TRIP12: variants seen among roughly 807,000 people sequenced by gnomAD.
TRIP12 encodes the protein thyroid hormone receptor interactor 12, also known as E3 ubiquitin-protein ligase TRIP12.
A neutral mutation model predicts 244.2 loss-of-function variants in TRIP12; 25 were observed. That is an observed-to-expected ratio of 0.10 (90% CI 0.07 to 0.14). The LOEUF (loss-of-function observed/expected upper bound fraction) is 0.14. TRIP12 is among the 10% of genes least tolerant of loss of function. The pLI, the probability that TRIP12 is intolerant of heterozygous loss-of-function variation, is 1.00. For missense variants in TRIP12, 1,677 were observed against 2,486.4 expected (o/e 0.67, Z 6.92); for synonymous variants, 905 against 873.1 (o/e 1.04, Z -0.64).
chr2:229,855,951 T>C (rs1032041911), intron 4 of TRIP12, among the ~76,000 whole-genome samples: 11 of 151,676 alleles, frequency 7.3e-5, no homozygotes, highest in Non-Finnish European at 1.3e-4. Flanking sequence ...GGCACGAGAA[T>C]TGCCCGAACC....
upstream of TRIP12, chr2:229,922,660 G>C: frequency 6.3e-7 from 1 of 1,588,674 alleles, no homozygotes; most frequent in Non-Finnish European, 8.6e-7. Flanking sequence ...ACCTGGCCCG[G>C]TTGGGGCCCG....
intron 1 of TRIP12, among the ~76,000 whole-genome samples, chr2:229,908,367 T>C (rs1193698406): frequency 6.6e-6 from 1 of 152,184 alleles, no homozygotes; most frequent in Non-Finnish European, 1.5e-5. Flanking sequence ...CTGAGAAATA[T>C]CTTGGTAGTA....
chr2:229,823,344 T>A (rs371795567), intron 8 of TRIP12, among the ~76,000 whole-genome samples: 12 of 152,182 alleles, frequency 7.9e-5, no homozygotes, highest in African/African-American at 2.9e-4. Flanking sequence ...CCATGCTGGA[T>A]TGCAGTAGCC....
chr2:229,904,541 T>C (rs2072113672), intron 1 of TRIP12, among the ~76,000 whole-genome samples: 1 of 151,884 alleles, frequency 6.6e-6, no homozygotes, highest in African/African-American at 2.4e-5. Context: ...GCTCATCATA[T>C]AATAGCATAA....
chr2:229,837,652 T>C (rs1328116821), intron 5 of TRIP12, among the ~76,000 whole-genome samples: 2 of 151,854 alleles, frequency 1.3e-5, no homozygotes, highest in African/African-American at 4.8e-5. Context: ...GAACTGCAGA[T>C]TAACATTGAG....
chr2:229,896,758 C>CA (rs2068951448), intron 1 of TRIP12, among the ~76,000 whole-genome samples: 3 of 151,956 alleles, frequency 2.0e-5, no homozygotes, highest in African/African-American at 7.3e-5. Context: ...AACAAGAATA[C>CA]AGAATGAAAG....
chr2:229,809,067 C>T (rs1318989452), intron 15 of TRIP12, among the ~76,000 whole-genome samples: 3 of 152,068 alleles, frequency 2.0e-5, no homozygotes. Context: ...TGTGTGTGTT[C>T]CTGTAAATAT....
chr2:229,921,827 T>A (rs1317911359), intron 1 of TRIP12, 53 bp downstream of exon 1: 2 of 20,352 alleles, frequency 9.8e-5, no homozygotes, highest in Non-Finnish European at 2.0e-4. Context: ...ACCCCTCAGC[T>A]GGCCCCCTCC....
Position 229,765,787 on chromosome 2 carries a change from T to C in TRIP12, c.*1767A>G, listed in dbSNP as rs2031525356. 6.6e-6 allele frequency: 1 copy of C among 152,306 alleles called. No homozygotes were observed. Among genetic ancestry groups the C allele is most frequent in the Admixed American group, 6.5e-5 (1 of 15,298 alleles). 9.4% of individuals were successfully genotyped at this position (152,306 alleles called of 1,614,324 possible). A position where few individuals can be genotyped will look rare whatever the true frequency, so the allele number is the denominator to read the frequency against. On this transcript the variant is annotated 3_prime_UTR_variant, in exon 42 of 42. Transcript: ENST00000675903. ...AGCTGCTCAGCAACTGTGCTGTTAG[T>C]GGTGAAAACTGCAGAAACACAATTC...
intron 1 of TRIP12, among the ~76,000 whole-genome samples, chr2:229,902,328 C>A (rs928590272): frequency 1.3e-5 from 2 of 151,970 alleles, no homozygotes; most frequent in Non-Finnish European, 2.9e-5. Flanking sequence ...AGCAGTGAGC[C>A]GAGATCGCGC....
chr2:229,777,041 A>G (rs1332259905), intron 37 of TRIP12, among the ~76,000 whole-genome samples: 1 of 152,198 alleles, frequency 6.6e-6, no homozygotes, highest in East Asian at 1.9e-4. Flanking sequence ...GCCCAGATAC[A>G]TAATATGTCC....
At chr2:229,844,578 A>G (rs2057191191) in intron 4 of TRIP12, among the ~76,000 whole-genome samples, 1 of 152,220 alleles carries the variant, frequency 6.6e-6, no homozygotes, top group Non-Finnish European at 1.5e-5. Flanking sequence ...CCCCACCATG[A>G]TAAAGTATTC....
chr2:229,825,953 AC>A (rs1242988125), intron 8 of TRIP12, among the ~76,000 whole-genome samples: 7 of 152,316 alleles, frequency 4.6e-5, no homozygotes, highest in African/African-American at 1.2e-4. Context: ...ACACATCTCA[AC>A]CCACTGCTTA....
At chr2:229,854,229 A>G (rs1300629375) in intron 4 of TRIP12, among the ~76,000 whole-genome samples, 1 of 152,152 alleles carries the variant, frequency 6.6e-6, no homozygotes, top group Admixed American at 6.5e-5. Flanking sequence ...TCCACACTCT[A>G]TGTCCACGTG....
chr2:229,903,536 A>G (rs1236185014), intron 1 of TRIP12, among the ~76,000 whole-genome samples: 1 of 152,052 alleles, frequency 6.6e-6, no homozygotes, highest in Non-Finnish European at 1.5e-5. Flanking sequence ...AGATGATGTC[A>G]GAGAGGTGGC....
At position 229,896,678 on chromosome 2, in the gene TRIP12, A is replaced by T. The variant is rs181410801; in HGVS notation, c.-49-16550T>A. On this transcript the variant is annotated intron_variant, in intron 1 of 41. Coordinates refer to ENST00000675903, the MANE Select transcript of TRIP12 (RefSeq NM_001348323.3). ...CAAATCAGAAAATAAAATGAAGTAA[A>T]ACTCCATCTCTAGTTAAGATTATCA... 4.5e-3 allele frequency among the ~76,000 whole-genome samples: 683 copies of T among 152,260 alleles called. 5 individuals carry two copies. Among genetic ancestry groups the T allele is most frequent in the African/African-American group, 0.015 (643 of 41,560 alleles).
At chr2:229,843,299 G>A (rs1425975834) in intron 4 of TRIP12, among the ~76,000 whole-genome samples, 5 of 152,166 alleles carry the variant, frequency 3.3e-5, no homozygotes, top group Middle Eastern at 3.4e-3. Context: ...TATTATATTG[G>A]TATAAGTATA....
Position 229,789,709 on chromosome 2 carries a change from G to A in TRIP12, c.4597C>T (p.Pro1533Ser). 1 of 1,614,074 alleles carries A rather than the reference G, an allele frequency of 6.2e-7. No individual in the cohort carries two copies. Among genetic ancestry groups the A allele is most frequent in the Non-Finnish European group, 8.5e-7 (1 of 1,179,980 alleles). ...TCTTCAAATGTTATATTTTCAGGTG[G>A]TGTGGGAATGAGGTAAACTTCTAAA... is the stretch of plus-strand genomic sequence containing the variant. ...NPLEVYLIPT[P>S]PENITFEDPS... Residue 1533 changes from proline to serine, a missense_variant, in exon 31 of 42, where the codon CCA becomes TCA. Pro to Ser is a moderately conservative substitution (Grantham distance 74, BLOSUM62 -1). Transcript: ENST00000675903.
rs148071117 is a variant in TRIP12, at chr2:229,866,545, A to G, written c.99-6014T>C. Among the ~76,000 whole-genome samples, 10 of 152,356 alleles carry G rather than the reference A, an allele frequency of 6.6e-5. No individual in the cohort carries two copies. The East Asian group carries it at 1.9e-3, about 29-fold the overall frequency. The stretch of plus-strand genomic sequence containing the variant: ...TTCATTTATTTGAAGATATTAAAAG[A>G]GCATAATAAAAATATTTATATGATA... On this transcript the variant is annotated intron_variant, in intron 2 of 41. Transcript: ENST00000675903.
Sources: gnomAD v4.1 joint callset for allele counts (sites outside exome capture counted in the v4.1 genomes callset) on GRCh38, gnomAD v4.1.1 for gene constraint, MANE v1.5 for transcripts, NCBI Gene and HGNC (gene_info 2026-07-23, HGNC 2026-07-21) for gene names.